Variants in SLX4IP observed in about 807,000 individuals in gnomAD.
SLX4IP encodes SLX4 interacting protein, also known as protein SLX4IP.
Under a neutral mutation model 32.9 loss-of-function variants are expected in SLX4IP, and 34 were observed. The ratio of observed to expected loss-of-function variants is 1.03; its 90% CI spans 0.79 to 1.38. The LOEUF is 1.38. Among genes scored for constraint, SLX4IP ranks in the 40% most tolerant of loss-of-function variants. The pLI is 0.00. For synonymous variants in SLX4IP, 172 were observed against 171.7 expected, an observed-to-expected ratio of 1.00 and a Z score of -0.01; for missense variants, 444 against 479.0, an observed-to-expected ratio of 0.93 and a Z score of 0.68.
At chr20:10,601,509 C>T (rs886098686) in intron 5 of SLX4IP, among the ~76,000 whole-genome samples, 8 of 152,086 alleles carry the variant, frequency 5.3e-5, no homozygotes, top group Non-Finnish European at 7.4e-5. Context: ...GGTCCCGGGG[C>T]GCAGGTGGAC....
At chr20:10,608,415 C>T (rs1229590542) in intron 6 of SLX4IP, among the ~76,000 whole-genome samples, 2 of 152,018 alleles carry the variant, frequency 1.3e-5, no homozygotes, top group African/African-American at 4.8e-5. Context: ...CCTGTAATCC[C>T]AGCACTTTGG....
At chr20:10,460,344 T>C (rs1279397602) in intron 2 of SLX4IP, among the ~76,000 whole-genome samples, 3 of 152,248 alleles carry the variant, frequency 2.0e-5, no homozygotes, top group Non-Finnish European at 4.4e-5. Flanking sequence ...CATTTTATAA[T>C]CTCTCCTGAT....
chr20:10,474,494 A>AG (rs2065456530), intron 2 of SLX4IP, among the ~76,000 whole-genome samples: 1 of 151,636 alleles, frequency 6.6e-6, no homozygotes, highest in Admixed American at 6.6e-5. Context: ...TCTTTCCTAG[A>AG]CCCCCTTCCC....
chr20:10,615,398 T>G (rs138459564), intron 6 of SLX4IP, among the ~76,000 whole-genome samples: 12 of 152,330 alleles, frequency 7.9e-5, no homozygotes, highest in Non-Finnish European at 1.8e-4. Flanking sequence ...CTATCTTGAT[T>G]TTTCTCCTCC....
intron 2 of SLX4IP, among the ~76,000 whole-genome samples, chr20:10,500,992 C>A (rs897981486): frequency 6.6e-6 from 1 of 152,242 alleles, no homozygotes; most frequent in East Asian, 1.9e-4. Flanking sequence ...TCCTGTAGAA[C>A]CAGTGTTTTC....
chr20:10,553,766 T>C (rs182471968), intron 2 of SLX4IP, among the ~76,000 whole-genome samples: 80 of 152,350 alleles, frequency 5.3e-4, no homozygotes, highest in African/African-American at 1.8e-3. Context: ...ATTCTAATAT[T>C]ATCTTCAGTT....
Position 10,500,197 on chromosome 20 carries a change from C to T in SLX4IP, c.27+41966C>T, listed in dbSNP as rs987678994. 2.4e-5 allele frequency among the ~76,000 whole-genome samples: 3 copies of T among 126,426 alleles called. No individual in the cohort carries two copies. In the East Asian group the frequency reaches 7.8e-4, roughly 33 times the overall value. The allele number at this position is 126,426 out of a possible 152,430, so 82.9% of individuals were successfully genotyped here. A position where few individuals can be genotyped will look rare whatever the true frequency, so the allele number is the denominator to read the frequency against. ...TTGCCCAGGCTGGAGTGCAATGGTG[C>T]AATCTCAGCTCACTGCAACCTCTGA... On this transcript the variant is annotated intron_variant, in intron 2 of 7. Coordinates refer to ENST00000334534, the MANE Select transcript of SLX4IP (RefSeq NM_001009608.3).
At chr20:10,516,746 G>T (rs1236292274) in intron 2 of SLX4IP, among the ~76,000 whole-genome samples, 2 of 152,154 alleles carry the variant, frequency 1.3e-5, no homozygotes, top group African/African-American at 4.8e-5. Flanking sequence ...CATCAGCAAA[G>T]AAAATTTCAA....
intron 4 of SLX4IP, among the ~76,000 whole-genome samples, chr20:10,596,905 G>GA (rs1322356460): frequency 6.6e-6 from 1 of 152,196 alleles, no homozygotes; most frequent in Non-Finnish European, 1.5e-5. Flanking sequence ...TTAAGCAGAA[G>GA]AAAGCCACAT....
intron 4 of SLX4IP, among the ~76,000 whole-genome samples, chr20:10,575,991 C>A (rs772853889): frequency 2.6e-5 from 4 of 152,030 alleles, no homozygotes; most frequent in Non-Finnish European, 4.4e-5. Flanking sequence ...ACATTGGGAC[C>A]GTGATTTGCT....
At chr20:10,487,037 CAG>C in intron 2 of SLX4IP, among the ~76,000 whole-genome samples, 1 of 152,134 alleles carries the variant, frequency 6.6e-6, no homozygotes, top group Admixed American at 6.6e-5. Context: ...ACTCAGTAAA[CAG>C]AGGTTTGGAT....
intron 6 of SLX4IP, chr20:10,613,190 C>T: frequency 3.8e-6 from 2 of 527,178 alleles, no homozygotes; most frequent in Non-Finnish European, 6.8e-6. Flanking sequence ...GACACTGCCT[C>T]CCTCCACCCT....
At chr20:10,444,019 A>C (rs536988047) in intron 1 of SLX4IP, among the ~76,000 whole-genome samples, 9 of 152,324 alleles carry the variant, frequency 5.9e-5, no homozygotes, top group African/African-American at 2.2e-4. Context: ...ACCCAGTCTC[A>C]GGTAGTTCTT....
chr20:10,598,548 G>A, intron 4 of SLX4IP, 127 bp from the exon 5 acceptor site: 1 of 884,314 alleles, frequency 1.1e-6, no homozygotes, highest in South Asian at 1.5e-5. Flanking sequence ...ACAGGCGTGA[G>A]TCATCACACT....
intron 4 of SLX4IP, among the ~76,000 whole-genome samples, chr20:10,568,046 G>T (rs563637714): frequency 1.3e-5 from 2 of 152,350 alleles, no homozygotes; most frequent in Non-Finnish European, 2.9e-5. Context: ...TTAGTAGTAA[G>T]GGGTACAAGG....
chr20:10,438,438 A>T (rs898592261), intron 1 of SLX4IP, among the ~76,000 whole-genome samples: 2 of 148,840 alleles, frequency 1.3e-5, no homozygotes, highest in African/African-American at 2.5e-5. Context: ...CTATCGCTGT[A>T]GATAAGTTTG....
intron 2 of SLX4IP, among the ~76,000 whole-genome samples, chr20:10,534,763 G>A (rs368439725): frequency 6.6e-6 from 1 of 152,228 alleles, no homozygotes; most frequent in Admixed American, 6.5e-5. Context: ...GGAGAAGCTG[G>A]CAGGGGCCAG....
At chr20:10,540,958 A>G (rs187373202) in intron 2 of SLX4IP, among the ~76,000 whole-genome samples, 14 of 152,362 alleles carry the variant, frequency 9.2e-5, no homozygotes, top group Admixed American at 3.3e-4. Context: ...GAAAGCAGTC[A>G]TGGGATTGTT....
intron 6 of SLX4IP, among the ~76,000 whole-genome samples, chr20:10,605,539 AAATCCCCC>A (rs2066896124): frequency 6.6e-6 from 1 of 152,230 alleles, no homozygotes; most frequent in African/African-American, 2.4e-5. Context: ...GGAAAGTCCA[AAATCCCCC>A]AGCCCTACTT....
Sources: gnomAD v4.1 joint callset for allele counts (sites outside exome capture counted in the v4.1 genomes callset) on GRCh38, gnomAD v4.1.1 for gene constraint, MANE v1.5 for transcripts, NCBI Gene and HGNC (gene_info 2026-07-23, HGNC 2026-07-21) for gene names.